The following GRM4 variants were observed in gnomAD, a reference collection of about 807,000 sequenced individuals.
The protein encoded by GRM4 is metabotropic glutamate receptor 4.
GRM4 carries 28 observed loss-of-function variants against 81.7 expected under a neutral mutation model. The observed-to-expected ratio is 0.34, with a 90% confidence interval of 0.25 to 0.47. The LOEUF is 0.47. Ranked by LOEUF, GRM4 falls within the 20% of genes least tolerant of loss-of-function variation. The pLI, the probability that GRM4 is intolerant of heterozygous loss-of-function variation, is 1.00. For missense variants in GRM4, 948 were observed against 1,290.0 expected (o/e 0.73, Z 4.06); for synonymous variants, 488 against 528.8 (o/e 0.92, Z 1.06).
chr6:34,039,336 G>A (rs2451387), intron 8 of GRM4, among the ~76,000 whole-genome samples: 54,125 of 151,942 alleles, frequency 0.36, 13,333 homozygotes, highest in African/African-American at 0.7. Context: ...AAGAGGAGAC[G>A]GCGGGGCCTC....
chr6:34,069,213 C>T lies in GRM4; in HGVS notation c.737-7185G>A, dbSNP rs1163160535. On this transcript the variant is annotated intron_variant, in intron 3 of 10. Coordinates refer to ENST00000538487, the MANE Select transcript of GRM4 (RefSeq NM_000841.4). This position sits in a 1 kb window ranked among gnomAD's most constrained non-coding sequence, Gnocchi z 6.4. ...ACACACACACACACACACGCACGCA[C>T]ACACGGCTCCTTCCTTCTGACTTCC... 6.6e-6 allele frequency among the ~76,000 whole-genome samples: 1 copy of T among 151,502 alleles called. No individual in the cohort carries two copies. The highest frequency in any genetic ancestry group is 2.4e-5 in the African/African-American group (1 of 41,264).
chr6:34,102,299 AT>A, intron 2 of GRM4: 1 of 679,982 alleles, frequency 1.5e-6, no homozygotes, highest in South Asian at 1.9e-5. Context: ...TACACTTGGC[AT>A]TTTAACAAAG....
rs1472861341 is a variant in GRM4, at chr6:34,121,506, C to CT, written c.519+11471_519+11472insA. On this transcript the variant is annotated intron_variant, in intron 2 of 10. Transcript: ENST00000538487. The surrounding 1 kb of genome is among the most constrained non-coding windows in gnomAD (Gnocchi z 4.6). ...GCTCCCATTAGGGCTCCCATTAGGG[C>CT]CCCGCTCTACCCAGCCAGAGCTCCC... is the stretch of plus-strand genomic sequence containing the variant. Among the ~76,000 whole-genome samples the CT allele has an allele frequency of 3.3e-5, 5 of 152,196 alleles. No individual in the cohort carries two copies. The highest frequency in any genetic ancestry group is 5.9e-5 in the Non-Finnish European group (4 of 68,024).
chr6:34,089,348 T>C lies in GRM4; in HGVS notation c.736+2535A>G, dbSNP rs938383051. ...TTCTACTGGCTGCTCAATTCTGATT[T>C]CAATTTGGCCAGCTGAAGTGCAGCT... On this transcript the variant is annotated intron_variant, in intron 3 of 10. Coordinates refer to ENST00000538487, the MANE Select transcript of GRM4 (RefSeq NM_000841.4). The surrounding 1 kb of genome is among the most constrained non-coding windows in gnomAD (Gnocchi z 4.3). 2.0e-5 allele frequency among the ~76,000 whole-genome samples: 3 copies of C among 150,146 alleles called. No homozygotes were observed. Among genetic ancestry groups the C allele is most frequent in the African/African-American group, 7.4e-5 (3 of 40,752 alleles).
upstream of GRM4, among the ~76,000 whole-genome samples, chr6:34,147,120 T>A (rs1403321435): frequency 6.6e-6 from 1 of 152,252 alleles, no homozygotes; most frequent in Non-Finnish European, 1.5e-5. Context: ...CTGTCACATG[T>A]AATGACCCAA....
In GRM4 at chr6:34,090,419, G is replaced by C. The variant is rs1408215899; in HGVS notation, c.736+1464C>G. 6.6e-6 allele frequency among the ~76,000 whole-genome samples: 1 copy of C among 152,166 alleles called. No individual in the cohort carries two copies. Among genetic ancestry groups the C allele is most frequent in the East Asian group, 1.9e-4 (1 of 5,198 alleles). ...AGGTAGGTGCCCAGGTCTTGGGTCT[G>C]AGCAAAGGAGGAAAGGACATGTGGG... On this transcript the variant is annotated intron_variant, in intron 3 of 10. Coordinates refer to ENST00000538487, the MANE Select transcript of GRM4 (RefSeq NM_000841.4). The surrounding 1 kb of genome is among the most constrained non-coding windows in gnomAD (Gnocchi z 5.2).
At chr6:34,134,037 A>G (rs974736477) in intron 1 of GRM4, among the ~76,000 whole-genome samples, 178 bp from the exon 2 acceptor site, 2 of 152,068 alleles carry the variant, frequency 1.3e-5, no homozygotes, top group Non-Finnish European at 2.9e-5. Flanking sequence ...CTTAAATGGG[A>G]GAGTGTATGG....
intron 6 of GRM4, among the ~76,000 whole-genome samples, chr6:34,045,208 C>T (rs975041212): frequency 5.9e-5 from 9 of 152,208 alleles, no homozygotes; most frequent in African/African-American, 1.4e-4. Flanking sequence ...CAAGACAGGA[C>T]GCTCTGGCCT....
chr6:34,125,969 C>T (rs1040102275), intron 2 of GRM4, among the ~76,000 whole-genome samples: 5 of 152,216 alleles, frequency 3.3e-5, no homozygotes, highest in African/African-American at 1.2e-4. Context: ...TATTCTGTAT[C>T]CCTAGCCTCC....
chr6:34,122,643 A>C (rs1372152127), intron 2 of GRM4, among the ~76,000 whole-genome samples: 1 of 151,938 alleles, frequency 6.6e-6, no homozygotes, highest in Non-Finnish European at 1.5e-5. Flanking sequence ...CTAACCCTGC[A>C]GACTAAGGGG....
At chr6:34,145,185 G>C (rs1770874898) in intron 1 of GRM4, among the ~76,000 whole-genome samples, 1 of 151,728 alleles carries the variant, frequency 6.6e-6, no homozygotes, top group African/African-American at 2.4e-5. Context: ...CGGTTCTCGC[G>C]GTGCCCAGAG....
intron 2 of GRM4, chr6:34,103,452 G>A: frequency 1.4e-6 from 1 of 712,784 alleles, no homozygotes; most frequent in Non-Finnish European, 2.4e-6. Context: ...CAGGCTCAGA[G>A]GCAGGGCCGC....
Position 34,155,043 on chromosome 6 carries a change from C to T in GRM4, c.312+36G>A, listed in dbSNP as rs549920311. 7.6e-6 allele frequency: 11 copies of T among 1,456,580 alleles called. No individual in the cohort carries two copies. In the Admixed American group the frequency reaches 2.2e-4, roughly 29 times the overall value. The allele number at this position is 1,456,580 out of a possible 1,614,324, so 90.2% of individuals were successfully genotyped here. A position where few individuals can be genotyped will look rare whatever the true frequency, so the allele number is the denominator to read the frequency against. On this transcript the variant is annotated intron_variant, in intron 1 of 8. Transcript: ENST00000374177. ...GCTGGGCACCTCCCCGTCCCACGCC[C>T]GGGGACACGCCCGGATTGAGAGGCT...
At chr6:34,085,073 T>C (rs907358910) in intron 3 of GRM4, among the ~76,000 whole-genome samples, 5 of 152,192 alleles carry the variant, frequency 3.3e-5, no homozygotes, top group African/African-American at 1.2e-4. Flanking sequence ...TGTCTCACGC[T>C]GGGGCTGGGA....
At chr6:34,075,054 C>A (rs1156509734) in intron 3 of GRM4, among the ~76,000 whole-genome samples, 2 of 152,222 alleles carry the variant, frequency 1.3e-5, no homozygotes, top group Admixed American at 1.3e-4. Flanking sequence ...CCCAAGACTG[C>A]TGAGTGTGGG....
intron 3 of GRM4, among the ~76,000 whole-genome samples, chr6:34,083,610 G>A (rs1767725055): frequency 6.6e-6 from 1 of 152,202 alleles, no homozygotes; most frequent in African/African-American, 2.4e-5. Context: ...GGTTAGAATG[G>A]GAGGTTCTGG....
chr6:34,113,778 T>C lies in GRM4; in HGVS notation c.519+19200A>G, dbSNP rs1162452005. 2.0e-5 allele frequency among the ~76,000 whole-genome samples: 3 copies of C among 152,168 alleles called. No individual in the cohort carries two copies. The East Asian group carries it at 5.8e-4, about 29-fold the overall frequency. ...CAGTGCTGCAAATCTGGTCCTCACA[T>C]GGCAGCCAGGGAGCACTTTTTAAAA... On this transcript the variant is annotated intron_variant, in intron 2 of 10. Coordinates refer to ENST00000538487, the MANE Select transcript of GRM4 (RefSeq NM_000841.4).
intron 3 of GRM4, among the ~76,000 whole-genome samples, chr6:34,079,925 A>T (rs1767499956): frequency 6.6e-6 from 1 of 151,892 alleles, no homozygotes; most frequent in Non-Finnish European, 1.5e-5. Context: ...AGCCAGAGGG[A>T]TCTCGACCCT....
chr6:34,071,382 CCA>C (rs1327267138), intron 3 of GRM4, among the ~76,000 whole-genome samples: 2 of 67,158 alleles, frequency 3.0e-5, no homozygotes, highest in East Asian at 9.1e-4. Context: ...CACATACACA[CCA>C]CACACATCAC....
Sources: gnomAD v4.1 joint callset for allele counts (sites outside exome capture counted in the v4.1 genomes callset) on GRCh38, gnomAD v4.1.1 for gene constraint, Gnocchi (gnomAD v3.1) non-coding constraint, MANE v1.5 for transcripts, NCBI Gene and HGNC (gene_info 2026-07-23, HGNC 2026-07-21) for gene names.